SEMA6A: variants seen among roughly 807,000 people sequenced by gnomAD.
The protein encoded by SEMA6A is semaphorin-6A.
A neutral mutation model predicts 96.8 loss-of-function variants in SEMA6A; 25 were observed. The observed-to-expected ratio is 0.26, with a 90% CI of 0.19 to 0.36. The LOEUF is 0.36. Among genes scored for constraint, SEMA6A ranks in the 10% least tolerant of loss-of-function variants. The probability of loss-of-function intolerance (pLI) is 1.00; values close to 1 mark genes in which losing one functional copy is unlikely to be tolerated. For synonymous variants in SEMA6A, 612 were observed against 518.0 expected (o/e 1.18, Z -2.46); for missense variants, 1,363 against 1,323.1 (o/e 1.03, Z -0.47).
At chr5:116,556,741 A>G (rs1217651127) in intron 1 of SEMA6A, among the ~76,000 whole-genome samples, 2 of 152,156 alleles carry the variant, frequency 1.3e-5, no homozygotes, top group Non-Finnish European at 2.9e-5. Context: ...TAGCGCTAAT[A>G]TGATTTTAGT....
rs749732046 is a variant in SEMA6A at position 116,504,961 on chromosome 5, G to A, written c.-17C>T. On this transcript the variant is annotated 5_prime_UTR_variant, in exon 2 of 19. Transcript: ENST00000343348. ...TGACCTCATAGTAGTTCAGCGGGGA[G>A]ACTTTATTTCTCTACTTCACCCTGC... The A allele has an allele frequency of 1.3e-6, 2 of 1,547,224 alleles. No individual in the cohort carries two copies. The highest frequency in any genetic ancestry group is 1.8e-6 in the Non-Finnish European group (2 of 1,135,726).
At chr5:116,492,761 G>C (rs118092782) in intron 6 of SEMA6A, among the ~76,000 whole-genome samples, 1,676 of 152,286 alleles carry the variant, frequency 0.011, 54 homozygotes, top group East Asian at 0.055. Context: ...TCACTCTCTT[G>C]CTTCATGTCA....
intron 16 of SEMA6A, among the ~76,000 whole-genome samples, chr5:116,474,006 G>C (rs1277173090): frequency 2.0e-5 from 3 of 152,250 alleles, no homozygotes; most frequent in African/African-American, 4.8e-5. Flanking sequence ...TAAAGCACAG[G>C]GTTGGGACCT....
At chr5:116,548,187 T>A (rs751815985) in intron 1 of SEMA6A, among the ~76,000 whole-genome samples, 32 of 152,220 alleles carry the variant, frequency 2.1e-4, no homozygotes, top group Non-Finnish European at 4.0e-4. Flanking sequence ...GACGGCTTTC[T>A]TCTCTTGACT....
chr5:116,504,592 G>A (rs1372454222), intron 2 of SEMA6A, among the ~76,000 whole-genome samples: 1 of 152,204 alleles, frequency 6.6e-6, no homozygotes, highest in Non-Finnish European at 1.5e-5. Context: ...CAGCCTCGAT[G>A]TAGTAGCTGA....
intron 1 of SEMA6A, among the ~76,000 whole-genome samples, chr5:116,523,655 T>C (rs1759073624): frequency 6.6e-6 from 1 of 152,114 alleles, no homozygotes; most frequent in African/African-American, 2.4e-5. Flanking sequence ...TGCATAAAAC[T>C]GAGTATAGAC....
At chr5:116,455,130 A>T (rs142407973) in intron 18 of SEMA6A, among the ~76,000 whole-genome samples, 1 of 152,048 alleles carries the variant, frequency 6.6e-6, no homozygotes, top group African/African-American at 2.4e-5. Flanking sequence ...ATTCTATTTC[A>T]TTTTTTTAGA....
chr5:116,559,278 TG>T (rs1445819721), intron 1 of SEMA6A, among the ~76,000 whole-genome samples: 1 of 152,090 alleles, frequency 6.6e-6, no homozygotes, highest in Non-Finnish European at 1.5e-5. Flanking sequence ...CCTGGAAGCT[TG>T]GGGGGATGAA....
intron 1 of SEMA6A, among the ~76,000 whole-genome samples, chr5:116,549,404 C>G (rs886924124): frequency 3.3e-5 from 5 of 152,100 alleles, no homozygotes; most frequent in African/African-American, 1.2e-4. Flanking sequence ...ACCAGACTAC[C>G]ATAAAGCCCT....
chr5:116,520,619 G>A (rs1305337052), intron 1 of SEMA6A, among the ~76,000 whole-genome samples: 1 of 152,166 alleles, frequency 6.6e-6, no homozygotes, highest in African/African-American at 2.4e-5. Flanking sequence ...AGATCAATGG[G>A]TAGAAACTAT....
chr5:116,495,626 C>A (rs1757558147), intron 5 of SEMA6A, 112 bp from the exon 6 acceptor site: 2 of 698,574 alleles, frequency 2.9e-6, no homozygotes, highest in Admixed American at 2.8e-5. Flanking sequence ...TGGCTGAGGA[C>A]TTCTCCCATT....
At chr5:116,495,542 T>C in intron 5 of SEMA6A, 28 bp from the exon 6 acceptor site, 1 of 1,467,572 alleles carries the variant, frequency 6.8e-7, no homozygotes, top group Non-Finnish European at 9.4e-7. Context: ...CTGTTTTGTA[T>C]CATGTCCATT....
At chr5:116,448,170 TAAAAAAAAAAA>T (rs59202921) in intron 18 of SEMA6A, among the ~76,000 whole-genome samples, 1 of 119,524 alleles carries the variant, frequency 8.4e-6, no homozygotes. Context: ...CCGTCTCTAC[TAAAAAAAAAAA>T]AAAAAAAAAA....
intron 5 of SEMA6A, 157 bp from the exon 6 acceptor site, chr5:116,495,671 A>T: frequency 1.7e-6 from 1 of 578,394 alleles, no homozygotes; most frequent in Non-Finnish European, 3.1e-6. Context: ...TAACCACAAG[A>T]TGATGCCGAC....
rs912920711 is a variant in SEMA6A, at chr5:116,445,012, A to C, written c.*1601T>G. The C allele has an allele frequency of 1.3e-5, 2 of 152,724 alleles. No individual in the cohort carries two copies. The highest frequency in any genetic ancestry group is 2.4e-5 in the African/African-American group (1 of 41,466). 9.5% of individuals were successfully genotyped at this position (152,724 alleles called of 1,614,324 possible). On this transcript the variant is annotated 3_prime_UTR_variant, in exon 19 of 19. Transcript: ENST00000343348. Reference sequence around the variant, plus strand: ...TTGAGGATGAAAGGGGATTTGACACACCCACAACAACACTGGGGTCCATGC... The same window carrying C: ...TTGAGGATGAAAGGGGATTTGACACCCCCACAACAACACTGGGGTCCATGC...
chr5:116,552,891 G>T (rs974354057), intron 1 of SEMA6A, among the ~76,000 whole-genome samples: 1 of 152,184 alleles, frequency 6.6e-6, no homozygotes, highest in Non-Finnish European at 1.5e-5. Flanking sequence ...TTGTGGATTG[G>T]GTGTAGGGAT....
chr5:116,493,461 G>C (rs773853399), intron 6 of SEMA6A, among the ~76,000 whole-genome samples: 1 of 152,034 alleles, frequency 6.6e-6, no homozygotes, highest in Non-Finnish European at 1.5e-5. Context: ...TTGATCTTTG[G>C]TTTATGACAG....
chr5:116,545,494 T>C (rs1197927487), intron 1 of SEMA6A, among the ~76,000 whole-genome samples: 1 of 151,960 alleles, frequency 6.6e-6, no homozygotes, highest in African/African-American at 2.4e-5. Flanking sequence ...TGCTTGAACC[T>C]GGGAGGTGGA....
chr5:116,541,345 T>C (rs1759956132), intron 1 of SEMA6A, among the ~76,000 whole-genome samples: 1 of 152,060 alleles, frequency 6.6e-6, no homozygotes, highest in African/African-American at 2.4e-5. Flanking sequence ...AAAATTCTTA[T>C]TTATTTTTTT....
Sources: gnomAD v4.1 joint callset for allele counts (sites outside exome capture counted in the v4.1 genomes callset) on GRCh38, gnomAD v4.1.1 for gene constraint, MANE v1.5 for transcripts, NCBI Gene and HGNC (gene_info 2026-07-23, HGNC 2026-07-21) for gene names.